Variants in GPHN observed in about 807,000 individuals in gnomAD.
GPHN encodes the protein gephyrin.
In GPHN, 17 loss-of-function variants were observed where a neutral mutation model predicts 95.5. The observed-to-expected ratio is 0.18, with a 90% confidence interval of 0.12 to 0.27. The LOEUF is 0.27. Among genes scored for constraint, GPHN ranks in the 10% least tolerant of loss-of-function variants. The pLI is 1.00. For synonymous variants in GPHN, 320 were observed against 322.5 expected, an observed-to-expected ratio of 0.99 and a Z score of 0.08; for missense variants, 660 against 978.1, an observed-to-expected ratio of 0.67 and a Z score of 4.34.
intron 1 of GPHN, among the ~76,000 whole-genome samples, chr14:66,658,498 C>G (rs183897389): frequency 4.6e-4 from 70 of 152,214 alleles, no homozygotes; most frequent in African/African-American, 1.6e-3. Context: ...AAGAGTCAAC[C>G]TGTGGGGCAA....
intron 1 of GPHN, among the ~76,000 whole-genome samples, chr14:66,657,221 C>T (rs1420396104): frequency 6.6e-6 from 1 of 152,232 alleles, no homozygotes; most frequent in Non-Finnish European, 1.5e-5. Context: ...GGCCCGAATT[C>T]TCTTCAGCCC....
intron 1 of GPHN, among the ~76,000 whole-genome samples, chr14:66,549,544 A>T (rs147138016): frequency 6.6e-6 from 1 of 152,222 alleles, no homozygotes; most frequent in African/African-American, 2.4e-5. Flanking sequence ...TTTCCATTAC[A>T]TGAAAATGCA....
the GPHN span, chr14:67,562,869 C>T: frequency 4.3e-6 from 7 of 1,612,828 alleles, no homozygotes; most frequent in South Asian, 7.7e-5. Flanking sequence ...CCACCTACAC[C>T]CCCGCTGCAC....
the GPHN span, among the ~76,000 whole-genome samples, chr14:67,273,054 A>C: frequency 6.7e-6 from 1 of 148,302 alleles, no homozygotes; most frequent in East Asian, 1.9e-4. Flanking sequence ...AGGTGCTTTC[A>C]GTCTGTTCTC....
the GPHN span, among the ~76,000 whole-genome samples, chr14:67,631,211 C>T: frequency 1.3e-5 from 2 of 152,204 alleles, no homozygotes; most frequent in African/African-American, 4.8e-5. Context: ...CTGGCTTTCT[C>T]ATTGCCCTTT....
chr14:67,088,430 A>G (rs1408349705), intron 11 of GPHN, among the ~76,000 whole-genome samples: 1 of 152,174 alleles, frequency 6.6e-6, no homozygotes, highest in African/African-American at 2.4e-5. Flanking sequence ...GAATTTTCCT[A>G]TGTCAATGAA....
chr14:66,934,458 T>C (rs76541242), intron 8 of GPHN, among the ~76,000 whole-genome samples: 2,300 of 152,320 alleles, frequency 0.015, 33 homozygotes, highest in Non-Finnish European at 0.018. Context: ...GTGGAATTGA[T>C]TAAACCTCCA....
intron 2 of GPHN, among the ~76,000 whole-genome samples, chr14:66,771,720 C>T (rs1284918919): frequency 9.5e-6 from 1 of 105,036 alleles, no homozygotes; most frequent in Non-Finnish European, 1.8e-5. Context: ...TGCTATCCCT[C>T]CCCCCTCCCC....
intron 9 of GPHN, among the ~76,000 whole-genome samples, chr14:67,016,747 C>G (rs2153621190): frequency 6.6e-6 from 1 of 152,186 alleles, no homozygotes; most frequent in Admixed American, 6.5e-5. Flanking sequence ...TTTACTCAGA[C>G]TTTTTCTGTA....
chr14:66,698,492 C>T (rs1298222637), intron 2 of GPHN, among the ~76,000 whole-genome samples: 3 of 152,186 alleles, frequency 2.0e-5, no homozygotes, highest in Non-Finnish European at 4.4e-5. Context: ...ACTAATTATT[C>T]AGGATTTATT....
At chr14:67,308,070 G>T in the GPHN span, among the ~76,000 whole-genome samples, 4 of 151,986 alleles carry the variant, frequency 2.6e-5, no homozygotes, top group Non-Finnish European at 5.9e-5. Context: ...ACACACTAGG[G>T]TCTTTCAGAG....
chr14:66,900,406 A>G (rs1317178973), intron 5 of GPHN, among the ~76,000 whole-genome samples: 1 of 149,722 alleles, frequency 6.7e-6, no homozygotes. Context: ...TTATATTTGC[A>G]TTTTTATTCA....
intron 3 of GPHN, among the ~76,000 whole-genome samples, chr14:66,806,370 A>G (rs1289302759): frequency 6.6e-5 from 10 of 151,876 alleles, no homozygotes; most frequent in Admixed American, 4.6e-4. Flanking sequence ...CATTTTCCCC[A>G]TTTTCTTGGG....
chr14:66,599,392 A>ATTTCTTTTTTTTTT (rs1555357374), intron 1 of GPHN, among the ~76,000 whole-genome samples: 35 of 76,504 alleles, frequency 4.6e-4, no homozygotes, highest in African/African-American at 2.2e-3. Context: ...TTTTTTTTGC[A>ATTTCTTTTTTTTTT]TTTTTTTTTT....
At chr14:67,029,030 T>C (rs1256069498) in intron 10 of GPHN, among the ~76,000 whole-genome samples, 4 of 152,204 alleles carry the variant, frequency 2.6e-5, no homozygotes, top group Non-Finnish European at 4.4e-5. Context: ...TATTTTCAGG[T>C]GATTTTTGTA....
intron 10 of GPHN, among the ~76,000 whole-genome samples, chr14:67,025,016 G>A (rs929789045): frequency 1.3e-5 from 2 of 152,040 alleles, no homozygotes; most frequent in Admixed American, 1.3e-4. Flanking sequence ...AAATTCCTCT[G>A]AGCCCCTTTG....
the GPHN span, among the ~76,000 whole-genome samples, chr14:67,484,737 A>C: frequency 6.6e-6 from 1 of 152,202 alleles, no homozygotes; most frequent in Non-Finnish European, 1.5e-5. Flanking sequence ...CAGCCTGGGC[A>C]ACATAGTGAG....
rs186774335 is a variant in GPHN, at chr14:66,961,623, C to T, written c.829-3568C>T. 8.1e-4 allele frequency among the ~76,000 whole-genome samples: 122 copies of T among 151,056 alleles called. 2 individuals carry two copies. In the East Asian group the frequency reaches 0.01, roughly 13 times the overall value. ...GGCAAGGATTTGAACGGGGACTTCACGAGAAAAAATCTAAATGACTGAGGA... is the reference window on the plus strand; with the variant it reads ...GGCAAGGATTTGAACGGGGACTTCATGAGAAAAAATCTAAATGACTGAGGA... On this transcript the variant is annotated intron_variant, in intron 8 of 22. Transcript: ENST00000478722.
the GPHN span, among the ~76,000 whole-genome samples, chr14:67,272,419 CT>C: frequency 6.6e-6 from 1 of 152,130 alleles, no homozygotes; most frequent in African/African-American, 2.4e-5. Context: ...ATATTTGGAT[CT>C]ACTTCTGGAG....
Sources: gnomAD v4.1 joint callset for allele counts (sites outside exome capture counted in the v4.1 genomes callset) on GRCh38, gnomAD v4.1.1 for gene constraint, MANE v1.5 for transcripts, NCBI Gene and HGNC (gene_info 2026-07-23, HGNC 2026-07-21) for gene names.